Variants in IL6ST observed in about 807,000 individuals in gnomAD.
IL6ST encodes the protein interleukin 6 cytokine family signal transducer.
IL6ST carries 24 observed loss-of-function variants against 91.3 expected under a neutral mutation model. That is an observed-to-expected ratio of 0.26 (90% confidence interval 0.19 to 0.37). The LOEUF is 0.37. Among genes scored for constraint, IL6ST ranks in the 10% least tolerant of loss-of-function variants. The pLI is 1.00. For missense variants in IL6ST, 914 were observed against 1,078.5 expected (o/e 0.85, Z 2.14); for synonymous variants, 351 against 373.6 (o/e 0.94, Z 0.70).
chr5:55,951,657 T>C (rs1012478682), intron 13 of IL6ST, 53 bp from the exon 14 acceptor site: 2 of 1,542,764 alleles, frequency 1.3e-6, no homozygotes, highest in African/African-American at 2.8e-5. Flanking sequence ...TTTTGCTTAT[T>C]TGGCCTATAT....
chr5:55,952,166 A>C, intron 12 of IL6ST, 84 bp downstream of exon 12: 3 of 1,480,148 alleles, frequency 2.0e-6, no homozygotes, highest in Non-Finnish European at 2.8e-6. Context: ...ATAATGAGAT[A>C]CATCTTTATT....
chr5:55,942,795 A>G, intron 15 of IL6ST, 44 bp from the exon 16 acceptor site: 1 of 1,034,774 alleles, frequency 9.7e-7, no homozygotes, highest in Non-Finnish European at 1.5e-6. Flanking sequence ...CACACATAAT[A>G]AACAATAAAT....
chr5:55,958,802 G>C (rs1045122202), intron 8 of IL6ST, among the ~76,000 whole-genome samples: 1 of 147,402 alleles, frequency 6.8e-6, no homozygotes, highest in Non-Finnish European at 1.5e-5. Flanking sequence ...TCATGCCACT[G>C]CACTCCAGCC....
chr5:55,975,205 T>G (rs1753214359), intron 3 of IL6ST, among the ~76,000 whole-genome samples: 1 of 152,046 alleles, frequency 6.6e-6, no homozygotes. Context: ...TGGGGCCTGG[T>G]GGAGAGGTGA....
rs191981865 is a variant in IL6ST, at chr5:55,936,668, T to C, written c.*4414A>G. 5.0e-4 allele frequency: 98 copies of C among 194,364 alleles called. No homozygotes were observed. The highest frequency in any genetic ancestry group is 7.5e-5 in the Non-Finnish European group (7 of 93,302). The allele number at this position is 194,364 out of a possible 1,614,324, so 12.0% of individuals were successfully genotyped here. A position where few individuals can be genotyped will look rare whatever the true frequency, so the allele number is the denominator to read the frequency against. On this transcript the variant is annotated 3_prime_UTR_variant, in exon 17 of 17. Transcript: ENST00000381298. ...AAAAAAATTTGAACAAGTATTTATTTCTTAAAATTTACTTAAGGGATTAGA... is the reference window on the plus strand; with the variant it reads ...AAAAAAATTTGAACAAGTATTTATTCCTTAAAATTTACTTAAGGGATTAGA...
In IL6ST at chr5:55,960,684, G is replaced by T. The variant is rs1468809921; in HGVS notation, c.814-123C>A. The T allele has an allele frequency of 6.2e-6, 5 of 801,604 alleles. No homozygotes were observed. The Admixed American group carries it at 9.0e-5, about 14-fold the overall frequency. 49.7% of individuals were successfully genotyped at this position (801,604 alleles called of 1,614,324 possible). A position where few individuals can be genotyped will look rare whatever the true frequency, so the allele number is the denominator to read the frequency against. On this transcript the variant is annotated intron_variant, in intron 7 of 16. Coordinates refer to ENST00000381298, the MANE Select transcript of IL6ST (RefSeq NM_002184.4). ...GCTCTGTTGCCCAGGTTGGAGTGCA[G>T]TGGTGCGATCTTGGCTCAACACAAC...
At chr5:55,992,332 T>C (rs566233240) in intron 1 of IL6ST, among the ~76,000 whole-genome samples, 10 of 152,340 alleles carry the variant, frequency 6.6e-5, no homozygotes, top group Admixed American at 2.6e-4. Context: ...AAGCGTACTG[T>C]ATGGAGACGC....
Position 55,963,288 on chromosome 5 carries a change from A to T in IL6ST, c.813+64T>A, listed in dbSNP as rs1752434530. On this transcript the variant is annotated intron_variant, in intron 7 of 16. Coordinates refer to ENST00000381298, the MANE Select transcript of IL6ST (RefSeq NM_002184.4). The stretch of plus-strand genomic sequence containing the variant: ...CTTAAAGACATTTAGAAAATGACTG[A>T]AACTTTTTAAGATTAGAGGGTTGAA... The T allele has an allele frequency of 1.9e-5, 23 of 1,183,676 alleles. No homozygotes were observed. In the South Asian group the frequency reaches 3.4e-4, roughly 17 times the overall value. 73.3% of individuals were successfully genotyped at this position (1,183,676 alleles called of 1,614,324 possible).
chr5:55,986,506 G>A (rs955065399), intron 1 of IL6ST, among the ~76,000 whole-genome samples: 3 of 152,122 alleles, frequency 2.0e-5, no homozygotes, highest in African/African-American at 7.2e-5. Flanking sequence ...GCATGTGGTT[G>A]TATCCAATCT....
At chr5:55,959,117 T>C (rs2111735691) in intron 8 of IL6ST, among the ~76,000 whole-genome samples, 1 of 152,308 alleles carries the variant, frequency 6.6e-6, no homozygotes, top group African/African-American at 2.4e-5. Context: ...AAAGATTATG[T>C]ACACTTGTCC....
rs1752931319 is a variant in IL6ST at position 55,970,986 on chromosome 5, T to TAC, written c.65-1133_65-1132dup. ...GAGAATTAAACACAACTACATGCTT[T>TAC]ACCTATCACCTACTCCACATTGATG... On this transcript the variant is annotated intron_variant, in intron 3 of 16. Transcript: ENST00000381298. Among the ~76,000 whole-genome samples, 10 of 152,218 alleles carry TAC rather than the reference T, an allele frequency of 6.6e-5. No homozygotes were observed. The South Asian group carries it at 2.1e-3, about 32-fold the overall frequency.
intron 5 of IL6ST, 144 bp from the exon 6 acceptor site, chr5:55,964,456 C>T: frequency 1.9e-6 from 1 of 533,686 alleles, no homozygotes; most frequent in Non-Finnish European, 3.3e-6. Context: ...AACAAAATTT[C>T]TTAAAAATAA....
At chr5:55,958,889 G>A (rs1029587734) in intron 8 of IL6ST, among the ~76,000 whole-genome samples, 4 of 151,492 alleles carry the variant, frequency 2.6e-5, no homozygotes, top group African/African-American at 9.7e-5. Context: ...TCATGAAGAG[G>A]CAATTACAGA....
At chr5:55,976,842 AT>A (rs1753320327) in intron 2 of IL6ST, among the ~76,000 whole-genome samples, 1 of 152,238 alleles carries the variant, frequency 6.6e-6, no homozygotes, top group Admixed American at 6.5e-5. Context: ...AAAATGAGAG[AT>A]ATAAATTAGA....
chr5:55,960,943 A>G (rs1004942447), intron 7 of IL6ST, among the ~76,000 whole-genome samples: 1 of 151,724 alleles, frequency 6.6e-6, no homozygotes, highest in Non-Finnish European at 1.5e-5. Flanking sequence ...GAAACTATTT[A>G]TTTTTGAGAC....
At chr5:55,960,278 A>C in intron 8 of IL6ST, 124 bp downstream of exon 8, 1 of 723,138 alleles carries the variant, frequency 1.4e-6, no homozygotes, top group Non-Finnish European at 2.3e-6. Flanking sequence ...TAAAACGTTA[A>C]AATACTGCAG....
chr5:55,993,454 C>T (rs1400075203), intron 1 of IL6ST, among the ~76,000 whole-genome samples: 1 of 152,132 alleles, frequency 6.6e-6, no homozygotes, highest in African/African-American at 2.4e-5. Flanking sequence ...GAAAATACTG[C>T]AATTCACAAA....
Position 55,984,446 on chromosome 5 carries a change from A to G in IL6ST, c.-103-1635T>C, listed in dbSNP as rs549146873. ...TTAGTACAATATGACTGGTGTCTTTAAAGAGACAGAGCCAGGAAGAATACC... is the reference window on the plus strand; with the variant it reads ...TTAGTACAATATGACTGGTGTCTTTGAAGAGACAGAGCCAGGAAGAATACC... On this transcript the variant is annotated intron_variant, in intron 1 of 16. Transcript: ENST00000381298. 3.9e-5 allele frequency among the ~76,000 whole-genome samples: 6 copies of G among 152,320 alleles called. No homozygotes were observed. In the East Asian group the frequency reaches 7.7e-4, roughly 20 times the overall value.
chr5:55,985,534 T>C (rs1051795995), intron 1 of IL6ST, among the ~76,000 whole-genome samples: 1 of 148,002 alleles, frequency 6.8e-6, no homozygotes, highest in Admixed American at 6.8e-5. Flanking sequence ...AAAAAAAAAA[T>C]ATAAAAAATA....
Sources: gnomAD v4.1 joint callset for allele counts (sites outside exome capture counted in the v4.1 genomes callset) on GRCh38, gnomAD v4.1.1 for gene constraint, MANE v1.5 for transcripts, NCBI Gene and HGNC (gene_info 2026-07-23, HGNC 2026-07-21) for gene names.